The following PLAGL1 variants were observed in gnomAD, a reference collection of about 807,000 sequenced individuals.
The protein encoded by PLAGL1 is zinc finger protein PLAGL1.
In PLAGL1, 1 loss-of-function variant was observed where a neutral mutation model predicts 4.6. The observed-to-expected ratio is 0.22, with a 90% CI of 0.08 to 1.03. The LOEUF is 1.03. PLAGL1 is among the 50% of genes least tolerant of loss of function. The probability of loss-of-function intolerance (pLI) is 0.58; values close to 1 mark genes in which losing one functional copy is unlikely to be tolerated. For missense variants in PLAGL1, 464 were observed against 570.4 expected (o/e 0.81, Z 1.90); for synonymous variants, 240 against 237.8 (o/e 1.01, Z -0.08).
chr6:143,999,297 C>T (rs550472947), intron 1 of PLAGL1, among the ~76,000 whole-genome samples: 1 of 152,270 alleles, frequency 6.6e-6, no homozygotes, highest in African/African-American at 2.4e-5. Context: ...CCCCTAAGTT[C>T]CTCGAGAGCA....
rs1318019160 is a variant in PLAGL1, at chr6:143,979,127, G to A, written c.-544+6008C>T. Reference sequence around the variant, plus strand: ...GTTTTAAAAAATCAGTGCTAAAAATGATATTTTTTTCATCCGTTAGCTTAT... The same window carrying A: ...GTTTTAAAAAATCAGTGCTAAAAATAATATTTTTTTCATCCGTTAGCTTAT... On this transcript the variant is annotated intron_variant, in intron 2 of 7. Transcript: ENST00000674357. This position sits in a 1 kb window ranked among gnomAD's most constrained non-coding sequence, Gnocchi z 4.6. Among the ~76,000 whole-genome samples, 1 of 152,076 alleles carries A rather than the reference G, an allele frequency of 6.6e-6. No homozygotes were observed. The highest frequency in any genetic ancestry group is 2.4e-5 in the African/African-American group (1 of 41,424).
At position 143,963,084 on chromosome 6, in the gene PLAGL1, C is replaced by T. The variant is rs1783699201; in HGVS notation, c.-399+1703G>A. Among the ~76,000 whole-genome samples the T allele has an allele frequency of 6.6e-6, 1 of 152,128 alleles. No homozygotes were observed. Among genetic ancestry groups the T allele is most frequent in the Non-Finnish European group, 1.5e-5 (1 of 68,030 alleles). On this transcript the variant is annotated intron_variant, in intron 5 of 7. Coordinates refer to ENST00000674357, the MANE Select transcript of PLAGL1 (RefSeq NM_001317162.2). The surrounding 1 kb of genome is among the most constrained non-coding windows in gnomAD (Gnocchi z 6.1). ...CAGATTCACCTCCAGGCAATGATGT[C>T]ATTTTAAAGGTGACACTGGGGGGCA...
chr6:143,944,429 A>T (rs574740056), intron 7 of PLAGL1, among the ~76,000 whole-genome samples: 1 of 152,048 alleles, frequency 6.6e-6, no homozygotes. Flanking sequence ...GTACAACCTC[A>T]TACCTCCTTC....
intron 1 of PLAGL1, among the ~76,000 whole-genome samples, chr6:144,031,084 T>A (rs190116330): frequency 9.9e-4 from 151 of 152,352 alleles, no homozygotes; most frequent in Non-Finnish European, 1.5e-3. Flanking sequence ...TGGTTTTGAT[T>A]TGCATTTCCC....
At chr6:144,057,190 G>A (rs780889712) in intron 1 of PLAGL1, among the ~76,000 whole-genome samples, 4 of 152,208 alleles carry the variant, frequency 2.6e-5, no homozygotes, top group Non-Finnish European at 4.4e-5. Context: ...ATAAAAAACT[G>A]CCAAAGTTCC....
In PLAGL1 at chr6:143,973,981, C is replaced by T. The variant is rs1345832706; in HGVS notation, c.-543-5003G>A. ...TTTTGGATCCAGGTAATCACCCAAA[C>T]TGGGTAATCCAAGCTCCTGTGTATA... On this transcript the variant is annotated intron_variant, in intron 2 of 7. Coordinates refer to ENST00000674357, the MANE Select transcript of PLAGL1 (RefSeq NM_001317162.2). The surrounding 1 kb of genome is among the most constrained non-coding windows in gnomAD (Gnocchi z 6.2). 6.6e-6 allele frequency among the ~76,000 whole-genome samples: 1 copy of T among 152,176 alleles called. No individual in the cohort carries two copies. Among genetic ancestry groups the T allele is most frequent in the African/African-American group, 2.4e-5 (1 of 41,440 alleles).
intron 1 of PLAGL1, among the ~76,000 whole-genome samples, chr6:144,043,904 G>C (rs540582512): frequency 6.6e-6 from 1 of 152,242 alleles, no homozygotes; most frequent in East Asian, 1.9e-4. Context: ...GTTTAGCCTT[G>C]GCAGGGTGTA....
chr6:144,044,001 T>A (rs1240977726), intron 1 of PLAGL1, among the ~76,000 whole-genome samples: 1 of 152,234 alleles, frequency 6.6e-6, no homozygotes, highest in Non-Finnish European at 1.5e-5. Flanking sequence ...GAAGTTTGTA[T>A]TTCCGTGGGA....
rs748845071 is a variant in PLAGL1 at position 143,993,328 on chromosome 6, CA to C, written c.-583-8155del. Among the ~76,000 whole-genome samples, 256 of 75,262 alleles carry C rather than the reference CA, an allele frequency of 3.4e-3. 2 individuals are homozygous for C. Among genetic ancestry groups the C allele is most frequent in the African/African-American group, 8.9e-3 (191 of 21,342 alleles). 49.4% of individuals were successfully genotyped at this position (75,262 alleles called of 152,430 possible). On this transcript the variant is annotated intron_variant, in intron 1 of 7. Transcript: ENST00000674357. ...GAAAACAAAAAAACAAAAAACAAAA[CA>C]AAACACACACACACACACACACACA...
intron 1 of PLAGL1, among the ~76,000 whole-genome samples, chr6:144,019,213 G>A (rs1355584891): frequency 6.6e-6 from 1 of 152,194 alleles, no homozygotes; most frequent in Non-Finnish European, 1.5e-5. Context: ...TGTGGCTCAT[G>A]CCTGTAATCC....
intron 1 of PLAGL1, among the ~76,000 whole-genome samples, chr6:143,993,591 T>TA (rs922826861): frequency 2.6e-5 from 4 of 152,098 alleles, no homozygotes; most frequent in Non-Finnish European, 4.4e-5. Context: ...AACTTTTTTT[T>TA]AAAAAAACTA....
chr6:144,030,607 C>G (rs1177625875), intron 1 of PLAGL1, among the ~76,000 whole-genome samples: 1 of 152,198 alleles, frequency 6.6e-6, no homozygotes, highest in Non-Finnish European at 1.5e-5. Context: ...TTTGGTTTTC[C>G]ATTCCTGAGT....
intron 1 of PLAGL1, among the ~76,000 whole-genome samples, chr6:143,986,894 C>A (rs1789296729): frequency 6.6e-6 from 1 of 152,094 alleles, no homozygotes; most frequent in Admixed American, 6.6e-5. Context: ...GTTCAAGAGG[C>A]AGCCAGGGGA....
intron 1 of PLAGL1, among the ~76,000 whole-genome samples, chr6:144,038,412 C>A (rs1413444698): frequency 6.6e-6 from 1 of 152,128 alleles, no homozygotes; most frequent in African/African-American, 2.4e-5. Flanking sequence ...AAGGGGCCAT[C>A]CTCCCTAATT....
In PLAGL1 at chr6:143,942,477, A is replaced by G; in HGVS notation, c.339T>C (p.His113=). ...AGGTGAGGTCCCCACTGCTGGCCGCATGGAGGGCCAGGTGCCTCTTATAGC... is the reference window on the plus strand; with the variant it reads ...AGGTGAGGTCCCCACTGCTGGCCGCGTGGAGGGCCAGGTGCCTCTTATAGC... ...MLGYKRHLAL[H]AASSGDLTCG... is the part of the protein sequence containing the mutation. The change falls in exon 8 of 8, where the codon CAT becomes CAC. Residue 113 remains histidine (H), a synonymous_variant. Transcript: ENST00000674357. The surrounding 1 kb of genome is among the most constrained non-coding windows in gnomAD (Gnocchi z 7.6). 6.2e-7 allele frequency: 1 copy of G among 1,614,098 alleles called. No homozygotes were observed. Among genetic ancestry groups the G allele is most frequent in the Non-Finnish European group, 8.5e-7 (1 of 1,179,988 alleles).
rs996384332 is a variant in PLAGL1 at position 143,989,672 on chromosome 6, C to G, written c.-583-4498G>C. 6.6e-6 allele frequency among the ~76,000 whole-genome samples: 1 copy of G among 152,150 alleles called. No homozygotes were observed. The highest frequency in any genetic ancestry group is 2.4e-5 in the African/African-American group (1 of 41,440). Reference sequence around the variant, plus strand: ...TCTCAGCCTTCATAATCATCAGGGTCAATTCTTTGTAATCAATCTCTCTTT... The same window carrying G: ...TCTCAGCCTTCATAATCATCAGGGTGAATTCTTTGTAATCAATCTCTCTTT... On this transcript the variant is annotated intron_variant, in intron 1 of 7. Coordinates refer to ENST00000674357, the MANE Select transcript of PLAGL1 (RefSeq NM_001317162.2). This position sits in a 1 kb window ranked among gnomAD's most constrained non-coding sequence, Gnocchi z 4.8.
At chr6:144,041,951 T>G (rs1048964215) in intron 1 of PLAGL1, among the ~76,000 whole-genome samples, 2 of 152,268 alleles carry the variant, frequency 1.3e-5, no homozygotes, top group Non-Finnish European at 2.9e-5. Context: ...GAGCATTTTT[T>G]CATGTGTCTG....
chr6:143,965,022 G>A lies in PLAGL1; in HGVS notation c.-430-204C>T, dbSNP rs1455445797. The A allele has an allele frequency of 6.6e-6, 1 of 152,186 alleles. No homozygotes were observed. Among genetic ancestry groups the A allele is most frequent in the African/African-American group, 2.4e-5 (1 of 41,428 alleles). The allele number at this position is 152,186 out of a possible 1,614,324, so 9.4% of individuals were successfully genotyped here. On this transcript the variant is annotated intron_variant, in intron 4 of 7. Transcript: ENST00000674357. This position sits in a 1 kb window ranked among gnomAD's most constrained non-coding sequence, Gnocchi z 7.5. ...ATGTGCCTCCCAGGGTAGCATGCTGGCACGGAGCGGGATGGCTGATTTCCA... is the reference window on the plus strand; with the variant it reads ...ATGTGCCTCCCAGGGTAGCATGCTGACACGGAGCGGGATGGCTGATTTCCA...
Position 143,945,475 on chromosome 6 carries a change from TG to T in PLAGL1, c.152+2509del, listed in dbSNP as rs1385200372. Among the ~76,000 whole-genome samples the T allele has an allele frequency of 6.6e-6, 1 of 152,194 alleles. No individual in the cohort carries two copies. The highest frequency in any genetic ancestry group is 2.4e-5 in the African/African-American group (1 of 41,464). ...AGTTATTTTTTCCTTCAACCTCTGT[TG>T]CCTCATCATCCTTTTTTTGAGATGC... On this transcript the variant is annotated intron_variant, in intron 7 of 7. Transcript: ENST00000674357. The surrounding 1 kb of genome is among the most constrained non-coding windows in gnomAD (Gnocchi z 4.2).
Sources: allele counts gnomAD v4.1 joint callset (sites outside exome capture counted in the v4.1 genomes callset), GRCh38; gene constraint gnomAD v4.1.1; non-coding constraint Gnocchi (gnomAD v3.1); transcripts MANE v1.5; gene names NCBI Gene and HGNC (gene_info 2026-07-23, HGNC 2026-07-21).